WLS: variants seen among roughly 807,000 people sequenced by gnomAD.
WLS encodes the protein Wnt ligand secretion mediator.
WLS carries 23 observed loss-of-function variants against 62.8 expected under a neutral mutation model. That is an observed-to-expected ratio of 0.37 (90% CI 0.26 to 0.52). The LOEUF (loss-of-function observed/expected upper bound fraction) is 0.52, where lower values mean the gene tolerates loss of function less well. Among genes scored for constraint, WLS ranks in the 20% least tolerant of loss-of-function variants. The pLI, the probability that WLS is intolerant of heterozygous loss-of-function variation, is 0.92. For missense variants in WLS, 615 were observed against 697.3 expected (o/e 0.88, Z 1.33); for synonymous variants, 246 against 244.1 (o/e 1.01, Z -0.07).
At chr1:68,120,806 G>A (rs1458948228), downstream of WLS, among the ~76,000 whole-genome samples, 1 of 152,144 alleles carries the variant, frequency 6.6e-6, no homozygotes, top group East Asian at 1.9e-4. Flanking sequence ...GGCCTCAGGT[G>A]AATATATATT....
At chr1:68,188,672 C>T (rs1270489928) in intron 2 of WLS, among the ~76,000 whole-genome samples, 2 of 152,162 alleles carry the variant, frequency 1.3e-5, no homozygotes, top group Admixed American at 1.3e-4. Flanking sequence ...CTGGGAGGAG[C>T]CCTTCATTTG....
chr1:68,137,130 G>A (rs1205492320), intron 11 of WLS, among the ~76,000 whole-genome samples: 1 of 152,180 alleles, frequency 6.6e-6, no homozygotes, highest in East Asian at 1.9e-4. Context: ...AAGAAACCCT[G>A]AGCAAGATCT....
chr1:68,161,130 C>CTT (rs201036902), intron 2 of WLS, among the ~76,000 whole-genome samples: 1 of 151,458 alleles, frequency 6.6e-6, no homozygotes, highest in Non-Finnish European at 1.5e-5. Context: ...AAAGTTAATA[C>CTT]TTTTTTTTTG....
intron 9 of WLS, 36 bp downstream of exon 9, chr1:68,145,833 G>C: frequency 2.5e-6 from 4 of 1,612,448 alleles, no homozygotes; most frequent in Non-Finnish European, 3.4e-6. Flanking sequence ...GATCAAGCAA[G>C]CACCAGTTCC....
intron 1 of WLS, among the ~76,000 whole-genome samples, chr1:68,213,323 C>A (rs1423440662): frequency 1.3e-5 from 2 of 151,844 alleles, no homozygotes; most frequent in Admixed American, 1.3e-4. Flanking sequence ...TGGTGGTAGG[C>A]GCCTGTAATC....
At chr1:68,126,391 G>C in intron 11 of WLS, 56 bp from the exon 12 acceptor site, 1 of 1,606,198 alleles carries the variant, frequency 6.2e-7, no homozygotes, top group East Asian at 2.2e-5. Flanking sequence ...AAGCAAGCTG[G>C]GGTTCATCTC....
rs17130529 is a variant in WLS, at chr1:68,148,637, G to A, written c.996C>T (p.Ile332=). 77,998 of 1,613,852 alleles carry A rather than the reference G, an allele frequency of 0.048. 2,004 individuals are homozygous for A. Among genetic ancestry groups the A allele is most frequent in the African/African-American group, 0.086 (6,461 of 75,010 alleles). ...GTCCGACTTGCTTCCAATACCCTGC[G>A]ATGTGGTTCCGCTCGTGCTGATCCT... ...HMMDQHERNH[I]AGYWKQVGPI... Residue 332 remains isoleucine (I), a synonymous_variant, in exon 7 of 12, where the codon ATC becomes ATT. Coordinates refer to ENST00000262348, the MANE Select transcript of WLS (RefSeq NM_024911.7).
chr1:68,148,742 C>G (rs977883476), intron 6 of WLS, 82 bp from the exon 7 acceptor site: 9 of 1,248,150 alleles, frequency 7.2e-6, no homozygotes, highest in Middle Eastern at 4.4e-4. Context: ...ATTCGAAGGA[C>G]ACTTGCCGAC....
chr1:68,138,276 C>T (rs759949304), intron 10 of WLS: 11 of 226,664 alleles, frequency 4.9e-5, no homozygotes, highest in Non-Finnish European at 7.8e-5. Context: ...ATAATTCCTC[C>T]TCTGCTGTCT....
intron 7 of WLS, 136 bp from the exon 8 acceptor site, chr1:68,148,335 T>G (rs1475834966): frequency 4.2e-6 from 4 of 945,146 alleles, no homozygotes; most frequent in Non-Finnish European, 6.5e-6. Flanking sequence ...ACAGAAATCC[T>G]AAAGAGAAAT....
chr1:68,178,750 G>A (rs965848719), intron 2 of WLS, among the ~76,000 whole-genome samples: 3 of 151,312 alleles, frequency 2.0e-5, no homozygotes, highest in Admixed American at 2.0e-4. Context: ...AACAAAAGAG[G>A]GTTATGATGG....
intron 1 of WLS, among the ~76,000 whole-genome samples, chr1:68,228,606 T>G (rs1043343626): frequency 6.6e-6 from 1 of 152,034 alleles, no homozygotes; most frequent in Non-Finnish European, 1.5e-5. Context: ...AATATTTATC[T>G]TTTCCTTCAG....
At chr1:68,099,271 C>T (rs1167643990) in intron 11 of WLS, among the ~76,000 whole-genome samples, 2 of 152,040 alleles carry the variant, frequency 1.3e-5, no homozygotes, top group African/African-American at 4.8e-5. Flanking sequence ...GAGATATACT[C>T]AGAGACAGGA....
rs116967541 is a variant in WLS, at chr1:68,161,720, A to G, written c.380-2473T>C. The G allele has an allele frequency of 2.8e-6, 4 of 1,440,812 alleles. No individual in the cohort carries two copies. The Admixed American group carries it at 5.1e-5, about 18-fold the overall frequency. 89.3% of individuals were successfully genotyped at this position (1,440,812 alleles called of 1,614,324 possible). A position where few individuals can be genotyped will look rare whatever the true frequency, so the allele number is the denominator to read the frequency against. On this transcript the variant is annotated intron_variant, in intron 2 of 11. Coordinates refer to ENST00000262348, the MANE Select transcript of WLS (RefSeq NM_024911.7). Reference sequence around the variant, plus strand: ...ATTTTTCACTATCTCTTGGTCCCAAATGTATCTGAATGATTACCTTCCGGC... The same window carrying G: ...ATTTTTCACTATCTCTTGGTCCCAAGTGTATCTGAATGATTACCTTCCGGC...
chr1:68,170,160 CTTTTTTTTTTTTTTTT>C (rs571306573), intron 2 of WLS, among the ~76,000 whole-genome samples: 1 of 86,752 alleles, frequency 1.2e-5, no homozygotes, highest in Non-Finnish European at 2.3e-5. Context: ...GCTACTATTT[CTTTTTTTTTTTTTTTT>C]TTTTTTGAGA....
intron 2 of WLS, among the ~76,000 whole-genome samples, chr1:68,176,659 A>G (rs1647272031): frequency 6.6e-6 from 1 of 152,210 alleles, no homozygotes; most frequent in Admixed American, 6.5e-5. Context: ...ACACTTTTCT[A>G]CAGCCCAACA....
At chr1:68,129,323 TAAACA>T (rs1363465923) in intron 11 of WLS, among the ~76,000 whole-genome samples, 6 of 151,674 alleles carry the variant, frequency 4.0e-5, no homozygotes, top group South Asian at 2.1e-4. Flanking sequence ...TCTCAAAAAC[TAAACA>T]AAACAAAAAA....
intron 2 of WLS, among the ~76,000 whole-genome samples, chr1:68,190,913 C>G (rs543529209): frequency 6.6e-6 from 1 of 152,220 alleles, no homozygotes; most frequent in South Asian, 2.1e-4. Flanking sequence ...CAAAAATTAG[C>G]CAGGCGTGGT....
At chr1:68,154,537 C>T (rs1404194763) in intron 4 of WLS, among the ~76,000 whole-genome samples, 1 of 152,024 alleles carries the variant, frequency 6.6e-6, no homozygotes, top group African/African-American at 2.4e-5. Flanking sequence ...AAGGGAATTA[C>T]TACGTATAAA....
Sources: allele counts gnomAD v4.1 joint callset (sites outside exome capture counted in the v4.1 genomes callset), GRCh38; gene constraint gnomAD v4.1.1; transcripts MANE v1.5; gene names NCBI Gene and HGNC (gene_info 2026-07-23, HGNC 2026-07-21).